Variants in SMU1 observed in about 807,000 individuals in gnomAD.
SMU1 encodes SMU1 DNA replication regulator and spliceosomal factor, also known as WD40 repeat-containing protein SMU1.
A neutral mutation model predicts 62.0 loss-of-function variants in SMU1; 2 were observed. The observed-to-expected ratio is 0.03, with a 90% CI of 0.01 to 0.10. SMU1 has a LOEUF of 0.10. Among genes scored for constraint, SMU1 ranks in the 10% least tolerant of loss-of-function variants. The probability of loss-of-function intolerance (pLI) is 1.00; values close to 1 mark genes in which losing one functional copy is unlikely to be tolerated. For missense variants in SMU1, 227 were observed against 622.1 expected (o/e 0.36, Z 6.76); for synonymous variants, 188 against 212.4 (o/e 0.89, Z 1.00).
chr9:33,042,088 A>T lies in SMU1; in HGVS notation c.*5205T>A, dbSNP rs1839132252. On this transcript the variant is annotated 3_prime_UTR_variant, in exon 12 of 12. Coordinates refer to ENST00000397149, the MANE Select transcript of SMU1 (RefSeq NM_018225.3). ...AAAATTTGTTACATGTTTTACAATT[A>T]AAAATCCTAAGAACACTAAAAGAAA... 6.6e-6 allele frequency: 1 copy of T among 152,630 alleles called. No individual in the cohort carries two copies. The highest frequency in any genetic ancestry group is 2.4e-5 in the African/African-American group (1 of 41,448). 9.5% of individuals were successfully genotyped at this position (152,630 alleles called of 1,614,324 possible). A position where few individuals can be genotyped will look rare whatever the true frequency, so the allele number is the denominator to read the frequency against.
intron 8 of SMU1, among the ~76,000 whole-genome samples, chr9:33,056,633 G>A (rs1454153728): frequency 6.6e-6 from 1 of 152,088 alleles, no homozygotes; most frequent in Non-Finnish European, 1.5e-5. Flanking sequence ...CCTTTCAAAT[G>A]TCTCTTCTGG....
intron 4 of SMU1, among the ~76,000 whole-genome samples, chr9:33,064,286 G>A (rs574901237): frequency 1.3e-4 from 20 of 152,136 alleles, no homozygotes; most frequent in Non-Finnish European, 2.4e-4. Flanking sequence ...CTTAAGTTCC[G>A]TTCTCGAGTG....
At position 33,047,231 on chromosome 9, in the gene SMU1, ATT is replaced by A; in HGVS notation, c.*60_*61del. 1 of 1,112,152 alleles carries A rather than the reference ATT, an allele frequency of 9.0e-7. No homozygotes were observed. The allele number at this position is 1,112,152 out of a possible 1,614,324, so 68.9% of individuals were successfully genotyped here. Reference sequence around the variant, plus strand: ...AGCTGGCAAAAAAAAAAAAAAGCACATTACATGAATATGCTTCATTTAAGTAC... The same window carrying A: ...AGCTGGCAAAAAAAAAAAAAAGCACAACATGAATATGCTTCATTTAAGTAC... On this transcript the variant is annotated 3_prime_UTR_variant, in exon 12 of 12. Transcript: ENST00000397149.
chr9:33,065,038 C>A (rs1234146612), intron 4 of SMU1, among the ~76,000 whole-genome samples: 1 of 152,130 alleles, frequency 6.6e-6, no homozygotes, highest in Non-Finnish European at 1.5e-5. Flanking sequence ...CCACCACACC[C>A]GGCCACATTT....
chr9:33,066,295 GAGAA>G (rs1297493076), intron 4 of SMU1, among the ~76,000 whole-genome samples: 1 of 152,082 alleles, frequency 6.6e-6, no homozygotes, highest in African/African-American at 2.4e-5. Flanking sequence ...AACATTTAAA[GAGAA>G]AGAAAGATAC....
chr9:33,050,299 GATAC>G (rs1839228500), intron 10 of SMU1, among the ~76,000 whole-genome samples: 1 of 152,090 alleles, frequency 6.6e-6, no homozygotes, highest in Non-Finnish European at 1.5e-5. Flanking sequence ...AATACAAAAG[GATAC>G]ATCCATTTTG....
intron 9 of SMU1, among the ~76,000 whole-genome samples, chr9:33,055,696 C>G (rs1839296370): frequency 6.6e-6 from 1 of 152,184 alleles, no homozygotes. Context: ...GGCCCTAAAT[C>G]TGGGGACCAG....
chr9:33,058,231 A>G (rs1486066687), intron 6 of SMU1, among the ~76,000 whole-genome samples: 1 of 152,222 alleles, frequency 6.6e-6, no homozygotes, highest in African/African-American at 2.4e-5. Flanking sequence ...GCAAACTATA[A>G]AGAAACATAT....
chr9:33,057,806 T>C, intron 6 of SMU1, 92 bp from the exon 7 acceptor site: 3 of 1,531,754 alleles, frequency 2.0e-6, no homozygotes, highest in Non-Finnish European at 2.7e-6. Context: ...CAATGGATTG[T>C]ACCTACTCTA....
At chr9:33,069,404 T>C (rs940783972) in intron 3 of SMU1, among the ~76,000 whole-genome samples, 4 of 152,238 alleles carry the variant, frequency 2.6e-5, no homozygotes, top group African/African-American at 9.6e-5. Context: ...TTTATCCTCA[T>C]AGATTTTGTA....
At position 33,063,935 on chromosome 9, in the gene SMU1, G is replaced by C. The variant is rs532979437; in HGVS notation, c.502-1758C>G. Among the ~76,000 whole-genome samples, 14 of 152,246 alleles carry C rather than the reference G, an allele frequency of 9.2e-5. No homozygotes were observed. In the South Asian group the frequency reaches 2.7e-3, roughly 29 times the overall value. On this transcript the variant is annotated intron_variant, in intron 4 of 11. Coordinates refer to ENST00000397149, the MANE Select transcript of SMU1 (RefSeq NM_018225.3). ...TACTTTAGTCAGTTCTCTGATTAATGAGTTGAACTTTTCTCTGTATTCATT... is the reference window on the plus strand; with the variant it reads ...TACTTTAGTCAGTTCTCTGATTAATCAGTTGAACTTTTCTCTGTATTCATT...
intron 3 of SMU1, among the ~76,000 whole-genome samples, chr9:33,069,674 T>C (rs1412327960): frequency 1.3e-5 from 2 of 151,980 alleles, no homozygotes; most frequent in Non-Finnish European, 2.9e-5. Flanking sequence ...TAGTGGTGGG[T>C]GCCTGTAATC....
intron 2 of SMU1, among the ~76,000 whole-genome samples, chr9:33,072,421 C>T (rs1839496870): frequency 6.6e-6 from 1 of 152,174 alleles, no homozygotes. Context: ...AGGCTTCTTG[C>T]TCAGAATGTA....
At chr9:33,068,002 T>A (rs1046898267) in intron 4 of SMU1, among the ~76,000 whole-genome samples, 2 of 152,172 alleles carry the variant, frequency 1.3e-5, no homozygotes, top group East Asian at 3.8e-4. Context: ...AGTAATTTTT[T>A]AAAAAATCAT....
Position 33,059,447 on chromosome 9 carries a change from T to A in SMU1, c.750+1018A>T, listed in dbSNP as rs181815643. On this transcript the variant is annotated intron_variant, in intron 6 of 11. Transcript: ENST00000397149. Reference sequence around the variant, plus strand: ...TACATATAACCCCTTGAAAAAAAAATTTGTTTTTTGCACGTCCCTGTAATC... The same window carrying A: ...TACATATAACCCCTTGAAAAAAAAAATTGTTTTTTGCACGTCCCTGTAATC... Among the ~76,000 whole-genome samples, 27 of 151,086 alleles carry A rather than the reference T, an allele frequency of 1.8e-4. No homozygotes were observed. In the East Asian group the frequency reaches 4.2e-3, roughly 23 times the overall value.
rs1170285453 is a variant in SMU1 at position 33,046,578 on chromosome 9, A to T, written c.*715T>A. On this transcript the variant is annotated 3_prime_UTR_variant, in exon 12 of 12. Coordinates refer to ENST00000397149, the MANE Select transcript of SMU1 (RefSeq NM_018225.3). ...CCAGAAAGGTATAAAGTTTATTAACATCTTTAAAAAAAAAAAAAAAAAAAA... is the reference window on the plus strand; with the variant it reads ...CCAGAAAGGTATAAAGTTTATTAACTTCTTTAAAAAAAAAAAAAAAAAAAA... 1 of 131,416 alleles carries T rather than the reference A, an allele frequency of 7.6e-6. No individual in the cohort carries two copies. The highest frequency in any genetic ancestry group is 1.7e-5 in the Non-Finnish European group (1 of 60,520). The allele number at this position is 131,416 out of a possible 1,614,324, so 8.1% of individuals were successfully genotyped here. A position where few individuals can be genotyped will look rare whatever the true frequency, so the allele number is the denominator to read the frequency against.
intron 4 of SMU1, among the ~76,000 whole-genome samples, chr9:33,063,124 G>A (rs949308134): frequency 1.3e-5 from 2 of 152,204 alleles, no homozygotes; most frequent in African/African-American, 4.8e-5. Flanking sequence ...CACTTTGGGA[G>A]GCCAAGGTGG....
chr9:33,072,403 C>T (rs953326409), intron 2 of SMU1, among the ~76,000 whole-genome samples: 1 of 152,138 alleles, frequency 6.6e-6, no homozygotes, highest in Non-Finnish European at 1.5e-5. Flanking sequence ...CCAATCTCCC[C>T]TCCTCTCAGG....
rs535285101 is a variant in SMU1, at chr9:33,069,102, C to T, written c.391-168G>A. 1.5e-4 allele frequency: 109 copies of T among 737,548 alleles called. 1 individual carries two copies. In the South Asian group the frequency reaches 5.9e-3, roughly 40 times the overall value. The allele number at this position is 737,548 out of a possible 1,614,324, so 45.7% of individuals were successfully genotyped here. On this transcript the variant is annotated intron_variant, in intron 3 of 11. Coordinates refer to ENST00000397149, the MANE Select transcript of SMU1 (RefSeq NM_018225.3). ...AATTTAGTTTTTGAAAATGACTTCC[C>T]AATTCTGCCCGCTTGCATTTCAAAA...
Sources: allele counts gnomAD v4.1 joint callset (sites outside exome capture counted in the v4.1 genomes callset), GRCh38; gene constraint gnomAD v4.1.1; transcripts MANE v1.5; gene names NCBI Gene and HGNC (gene_info 2026-07-23, HGNC 2026-07-21).